The following AFF2 variants were observed in gnomAD, a reference collection of about 807,000 sequenced individuals.
The protein encoded by AFF2 is AF4/FMR2 family member 2.
AFF2 carries 14 observed loss-of-function variants against 76.9 expected under a neutral mutation model. That is an observed-to-expected ratio of 0.18 (90% CI 0.12 to 0.28). The LOEUF (loss-of-function observed/expected upper bound fraction) is 0.28. Among genes scored for constraint, AFF2 ranks in the 10% least tolerant of loss-of-function variants. The pLI, the probability that AFF2 is intolerant of heterozygous loss-of-function variation, is 1.00. For missense variants in AFF2, 868 were observed against 1,001.1 expected (o/e 0.87, Z 1.79); for synonymous variants, 398 against 366.7 (o/e 1.09, Z -0.98).
intron 4 of AFF2, among the ~76,000 whole-genome samples, chrX:148,822,702 AGG>A (rs2070342811): frequency 1.9e-5 from 1 of 53,550 alleles, no homozygotes; most frequent in Non-Finnish European, 3.9e-5. Flanking sequence ...TGATTCCTCC[AGG>A]GTGTGTGTGT....
intron 1 of AFF2, among the ~76,000 whole-genome samples, chrX:148,584,578 C>T (rs1044663091): frequency 1.4e-4 from 12 of 88,543 alleles, no homozygotes; most frequent in African/African-American, 5.1e-4. Context: ...TTTTTTGAGA[C>T]GGAGTCTTGC....
intron 1 of AFF2, among the ~76,000 whole-genome samples, chrX:148,579,012 G>T (rs1287156104): frequency 4.5e-5 from 5 of 111,552 alleles, no homozygotes; most frequent in Non-Finnish European, 7.5e-5. Flanking sequence ...CTCAGTTGCA[G>T]ATTTTGTTTC....
chrX:148,687,056 C>A (rs1557260403), intron 3 of AFF2, among the ~76,000 whole-genome samples: 1 of 111,657 alleles, frequency 9.0e-6, no homozygotes, highest in African/African-American at 3.3e-5. Context: ...TCTATAGATA[C>A]TTTAACGCTT....
At chrX:148,894,020 A>G (rs2071253282) in intron 8 of AFF2, among the ~76,000 whole-genome samples, 1 of 111,457 alleles carries the variant, frequency 9.0e-6, no homozygotes, top group South Asian at 3.8e-4. Context: ...CCATTCTTGC[A>G]GCCTGGAAGT....
At chrX:148,752,828 T>G (rs2055517710) in intron 3 of AFF2, among the ~76,000 whole-genome samples, 1 of 112,239 alleles carries the variant, frequency 8.9e-6, no homozygotes, top group Non-Finnish European at 1.9e-5. Flanking sequence ...AATTGTCTTC[T>G]TAAATGCAAT....
chrX:148,570,072 C>A (rs782435040), intron 1 of AFF2, among the ~76,000 whole-genome samples: 44 of 111,474 alleles, frequency 3.9e-4, no homozygotes, highest in African/African-American at 1.4e-3. Flanking sequence ...AAGATGCAGA[C>A]GATTTATAAT....
chrX:148,982,941 T>A (rs2072413252), intron 19 of AFF2, among the ~76,000 whole-genome samples: 2 of 112,464 alleles, frequency 1.8e-5, no homozygotes, highest in Non-Finnish European at 3.8e-5. Flanking sequence ...AGATTCAAAA[T>A]ATAATAACAA....
intron 1 of AFF2, among the ~76,000 whole-genome samples, chrX:148,509,759 C>T (rs2052463043): frequency 9.0e-6 from 1 of 111,730 alleles, no homozygotes. Flanking sequence ...AACATTTTAC[C>T]ATTAGAATTT....
intron 3 of AFF2, among the ~76,000 whole-genome samples, chrX:148,663,581 T>C (rs187141684): frequency 8.9e-6 from 1 of 112,458 alleles, no homozygotes; most frequent in African/African-American, 3.2e-5. Flanking sequence ...TCATGCATGG[T>C]GCTGCCTCTC....
chrX:148,935,604 C>T (rs1311291533), intron 9 of AFF2, among the ~76,000 whole-genome samples: 4 of 111,631 alleles, frequency 3.6e-5, no homozygotes, highest in Admixed American at 2.9e-4. Context: ...CACCCAACTT[C>T]GTGATCCTTG....
At chrX:148,519,807 C>T (rs1043000241) in intron 1 of AFF2, among the ~76,000 whole-genome samples, 5 of 111,227 alleles carry the variant, frequency 4.5e-5, no homozygotes, top group African/African-American at 1.6e-4. Flanking sequence ...GTCCTAATAC[C>T]CCATACCACC....
At chrX:148,739,795 G>T (rs920742602) in intron 3 of AFF2, among the ~76,000 whole-genome samples, 2 of 111,615 alleles carry the variant, frequency 1.8e-5, no homozygotes, top group Non-Finnish European at 3.8e-5. Flanking sequence ...TCCAGAATTT[G>T]TTTCAAGATT....
Position 148,590,241 on chromosome X carries a change from A to C in AFF2, c.48-61758A>C, listed in dbSNP as rs894032222. Among the ~76,000 whole-genome samples, 4 of 109,883 alleles carry C rather than the reference A, an allele frequency of 3.6e-5. No individual in the cohort carries two copies. The South Asian group carries it at 1.2e-3, about 34-fold the overall frequency. On this transcript the variant is annotated intron_variant, in intron 1 of 20. Coordinates refer to ENST00000370460, the MANE Select transcript of AFF2 (RefSeq NM_002025.4). ...ACAGCCATTGGCTGTTAGAAAAAAC[A>C]AAATATGAAAATCCATCAATATGTA... is the stretch of plus-strand genomic sequence containing the variant.
At chrX:148,877,721 A>C (rs781807212) in intron 7 of AFF2, among the ~76,000 whole-genome samples, 1 of 112,011 alleles carries the variant, frequency 8.9e-6, no homozygotes, top group Non-Finnish European at 1.9e-5. Flanking sequence ...AGCAGCTGAA[A>C]ATTTGCCATG....
chrX:148,950,498 A>G (rs2071952762), intron 9 of AFF2, among the ~76,000 whole-genome samples: 1 of 112,080 alleles, frequency 8.9e-6, no homozygotes, highest in Admixed American at 9.5e-5. Context: ...CTTCACCCCT[A>G]GTTTGAGTTC....
At chrX:148,728,121 T>A (rs782106210) in intron 3 of AFF2, among the ~76,000 whole-genome samples, 2 of 112,423 alleles carry the variant, frequency 1.8e-5, no homozygotes, top group South Asian at 7.3e-4. Flanking sequence ...CATGCAATTC[T>A]CACTCCAAAA....
chrX:148,928,908 A>G (rs186540749), intron 9 of AFF2, among the ~76,000 whole-genome samples: 92 of 112,392 alleles, frequency 8.2e-4, no homozygotes, highest in Non-Finnish European at 1.6e-3. Context: ...GTTAATTACT[A>G]GTAGTTGAGA....
At chrX:148,839,231 T>C (rs1356620279) in intron 5 of AFF2, among the ~76,000 whole-genome samples, 1 of 112,335 alleles carries the variant, frequency 8.9e-6, no homozygotes, top group South Asian at 3.6e-4. Flanking sequence ...TGTGCTACCA[T>C]CAACCCCATG....
intron 7 of AFF2, among the ~76,000 whole-genome samples, chrX:148,857,618 A>G (rs782625158): frequency 2.7e-5 from 3 of 111,683 alleles, no homozygotes; most frequent in Non-Finnish European, 1.9e-5. Flanking sequence ...CTGCAGGTCA[A>G]ATGAGTACTT....
Sources: gnomAD v4.1 joint callset for allele counts (sites outside exome capture counted in the v4.1 genomes callset) on GRCh38, gnomAD v4.1.1 for gene constraint, MANE v1.5 for transcripts, NCBI Gene and HGNC (gene_info 2026-07-23, HGNC 2026-07-21) for gene names.